The following GCNT2 variants were observed in gnomAD, a reference collection of about 807,000 sequenced individuals.
GCNT2 encodes glucosaminyl (N-acetyl) transferase 2 (I blood group), also known as N-acetyllactosaminide beta-1,6-N-acetylglucosaminyl-transferase.
A neutral mutation model predicts 34.2 loss-of-function variants in GCNT2; 34 were observed. The ratio of observed to expected loss-of-function variants is 1.00; its 90% CI spans 0.76 to 1.32. The LOEUF (loss-of-function observed/expected upper bound fraction) is 1.32. GCNT2 is among the 40% of genes most tolerant of loss of function. The pLI is 0.00. For synonymous variants in GCNT2, 212 were observed against 188.0 expected, an observed-to-expected ratio of 1.13 and a Z score of -1.04; for missense variants, 584 against 489.4, an observed-to-expected ratio of 1.19 and a Z score of -1.82.
intron 3 of GCNT2, chr6:10,586,590 C>A (rs147898876): frequency 2.2e-4 from 351 of 1,613,968 alleles, no homozygotes; most frequent in Non-Finnish European, 2.4e-4. Flanking sequence ...GAAAACCAAC[C>A]GGGAGATAGT....
chr6:10,569,932 TCTTC>T (rs1225019760), intron 3 of GCNT2, among the ~76,000 whole-genome samples: 1 of 113,198 alleles, frequency 8.8e-6, no homozygotes, highest in Non-Finnish European at 1.9e-5. Flanking sequence ...TTTCTCTCTC[TCTTC>T]CTTCCTTCCT....
intron 3 of GCNT2, among the ~76,000 whole-genome samples, chr6:10,580,615 T>TA (rs35767928): frequency 0.12 from 17,538 of 143,910 alleles, 1,150 homozygotes; most frequent in Middle Eastern, 0.18. Flanking sequence ...AGCATTGCCT[T>TA]AAAAAAAAAA....
At chr6:10,528,505 G>A (rs986545571) in intron 2 of GCNT2, 126 bp from the exon 3 acceptor site, 1 of 267,958 alleles carries the variant, frequency 3.7e-6, no homozygotes, top group Non-Finnish European at 7.2e-6. Context: ...GGGACAAGAG[G>A]CTGAGGTTAA....
intron 3 of GCNT2, among the ~76,000 whole-genome samples, chr6:10,550,479 A>C (rs1390530078): frequency 1.3e-5 from 2 of 151,918 alleles, no homozygotes; most frequent in Non-Finnish European, 2.9e-5. Flanking sequence ...TTTATCTGGG[A>C]CCAAAATGCA....
intron 3 of GCNT2, among the ~76,000 whole-genome samples, chr6:10,616,265 T>C (rs79507847): frequency 0.12 from 18,611 of 151,952 alleles, 1,986 homozygotes; most frequent in African/African-American, 0.28. Flanking sequence ...AGGAGTAAAG[T>C]TGCAGACCTT....
At chr6:10,523,668 T>G (rs74296094) in intron 1 of GCNT2, among the ~76,000 whole-genome samples, 2 of 151,764 alleles carry the variant, frequency 1.3e-5, no homozygotes, top group East Asian at 3.9e-4. Flanking sequence ...GCTGTTGTCT[T>G]GACTCTAGAC....
chr6:10,586,067 A>G lies in GCNT2; in HGVS notation c.926-35284A>G, dbSNP rs139386317. On this transcript the variant is annotated intron_variant, in intron 3 of 4. Transcript: ENST00000495262. ...TTTTTGTGAGATTTTACAGTAGCCA[A>G]TTGAGCCCGCCAAAAAGTTATGAGA... 6.4e-5 allele frequency: 103 copies of G among 1,614,190 alleles called. No homozygotes were observed. Among genetic ancestry groups the G allele is most frequent in the East Asian group, 3.3e-4 (15 of 44,888 alleles).
At chr6:10,533,626 A>G (rs940364690) in intron 3 of GCNT2, among the ~76,000 whole-genome samples, 1 of 151,182 alleles carries the variant, frequency 6.6e-6, no homozygotes, top group Non-Finnish European at 1.5e-5. Context: ...CAACTCTACT[A>G]AAAATACAAA....
intron 3 of GCNT2, among the ~76,000 whole-genome samples, chr6:10,537,722 A>AAAAC (rs1761836186): frequency 1.2e-4 from 17 of 142,160 alleles, no homozygotes; most frequent in African/African-American, 4.5e-4. Context: ...AAAAAAAAAA[A>AAAAC]AAAACAAAAC....
intron 3 of GCNT2, among the ~76,000 whole-genome samples, chr6:10,593,828 A>G (rs1764743357): frequency 6.6e-6 from 1 of 152,204 alleles, no homozygotes; most frequent in Non-Finnish European, 1.5e-5. Context: ...TCTTTACACA[A>G]TACAAAAGCA....
chr6:10,548,317 C>T (rs938028867), intron 3 of GCNT2, among the ~76,000 whole-genome samples: 4 of 152,232 alleles, frequency 2.6e-5, no homozygotes, highest in African/African-American at 9.6e-5. Flanking sequence ...CAGATCTGGG[C>T]ACTGACACCA....
chr6:10,556,701 T>C, intron 3 of GCNT2: 1 of 1,614,190 alleles, frequency 6.2e-7, no homozygotes, highest in South Asian at 1.1e-5. Flanking sequence ...GAAGCTGACT[T>C]TCCCTTGGCA....
intron 3 of GCNT2, among the ~76,000 whole-genome samples, chr6:10,539,755 G>C (rs1761954738): frequency 6.6e-6 from 1 of 152,202 alleles, no homozygotes; most frequent in Admixed American, 6.5e-5. Context: ...TCTAACATTT[G>C]GTTTTGAAAG....
At chr6:10,589,185 C>G (rs957825016) in intron 3 of GCNT2, among the ~76,000 whole-genome samples, 2 of 78,276 alleles carry the variant, frequency 2.6e-5, no homozygotes, top group Admixed American at 2.6e-4. Flanking sequence ...GGTGTATGTG[C>G]GTCATGTGTG....
At chr6:10,583,504 G>A (rs1397164872) in intron 3 of GCNT2, among the ~76,000 whole-genome samples, 2 of 152,058 alleles carry the variant, frequency 1.3e-5, no homozygotes, top group Non-Finnish European at 2.9e-5. Context: ...CTTACCGTCC[G>A]CATCAATCCC....
At chr6:10,541,822 T>C (rs1056403291) in intron 3 of GCNT2, among the ~76,000 whole-genome samples, 7 of 152,194 alleles carry the variant, frequency 4.6e-5, no homozygotes, top group Non-Finnish European at 1.0e-4. Flanking sequence ...GAGGACCCAG[T>C]TGAGTTGGTC....
At chr6:10,615,841 G>A (rs1765735484) in intron 3 of GCNT2, among the ~76,000 whole-genome samples, 1 of 152,212 alleles carries the variant, frequency 6.6e-6, no homozygotes. Context: ...GGCAGTGGTG[G>A]GAGTGTAGCA....
In GCNT2 at chr6:10,538,408, C is replaced by CAAA. The variant is rs70991023; in HGVS notation, c.925+8600_925+8602dup. Among the ~76,000 whole-genome samples, 142 of 40,188 alleles carry CAAA rather than the reference C, an allele frequency of 3.5e-3. 8 individuals are homozygous for CAAA. The highest frequency in any genetic ancestry group is 4.8e-3 in the Non-Finnish European group (113 of 23,348). 26.4% of individuals were successfully genotyped at this position (40,188 alleles called of 152,430 possible). Reference sequence around the variant, plus strand: ...GGGCGACAAGAGTGAGACTCCGTCTCAAAAAAAAAAAAAAAAAAAAAAAAA... The same window carrying CAAA: ...GGGCGACAAGAGTGAGACTCCGTCTCAAAAAAAAAAAAAAAAAAAAAAAAAAAA... On this transcript the variant is annotated intron_variant, in intron 3 of 4. Transcript: ENST00000495262.
chr6:10,607,613 T>C (rs1422989089), intron 3 of GCNT2, among the ~76,000 whole-genome samples: 1 of 152,148 alleles, frequency 6.6e-6, no homozygotes, highest in East Asian at 1.9e-4. Context: ...ATGAAGAGTT[T>C]GTCACCATAA....
Sources: gnomAD v4.1 joint callset for allele counts (sites outside exome capture counted in the v4.1 genomes callset) on GRCh38, gnomAD v4.1.1 for gene constraint, MANE v1.5 for transcripts, NCBI Gene and HGNC (gene_info 2026-07-23, HGNC 2026-07-21) for gene names.